The following RHBDD1 variants were observed in gnomAD, a reference collection of about 807,000 sequenced individuals.
The protein encoded by RHBDD1 is rhomboid domain containing 1.
Under a neutral mutation model 36.3 loss-of-function variants are expected in RHBDD1, and 38 were observed. That is an observed-to-expected ratio of 1.05 (90% CI 0.81 to 1.37). RHBDD1 has a LOEUF of 1.37. Ranked by LOEUF, RHBDD1 falls within the 40% of genes most tolerant of loss-of-function variation. The pLI is 0.00. For missense variants in RHBDD1, 393 were observed against 377.6 expected, an observed-to-expected ratio of 1.04 and a Z score of -0.34; for synonymous variants, 151 against 136.5, an observed-to-expected ratio of 1.11 and a Z score of -0.74.
chr2:226,914,502 T>C, intron 8 of RHBDD1, 151 bp downstream of exon 8: 2 of 807,572 alleles, frequency 2.5e-6, no homozygotes, highest in Non-Finnish European at 3.7e-6. Context: ...TTACAAAGAA[T>C]GGGGTGTGAT....
intron 8 of RHBDD1, among the ~76,000 whole-genome samples, chr2:226,939,461 A>G (rs1057497124): frequency 6.6e-6 from 1 of 152,220 alleles, no homozygotes; most frequent in Admixed American, 6.5e-5. Flanking sequence ...ACAAATTGCT[A>G]GCATTCCTAT....
intron 8 of RHBDD1, among the ~76,000 whole-genome samples, chr2:226,929,574 T>A (rs1423724056): frequency 4.6e-5 from 7 of 151,962 alleles, no homozygotes; most frequent in Admixed American, 4.6e-4. Flanking sequence ...TGAAAAGAAT[T>A]CCCTCTAAGA....
At chr2:226,843,922 T>C (rs145696306) in intron 3 of RHBDD1, among the ~76,000 whole-genome samples, 134 of 152,296 alleles carry the variant, frequency 8.8e-4, no homozygotes, top group Middle Eastern at 3.4e-3. Flanking sequence ...TTTTGGTTGG[T>C]AGGCTATTTG....
intron 5 of RHBDD1, among the ~76,000 whole-genome samples, chr2:226,885,860 T>C (rs1433946744): frequency 1.3e-5 from 2 of 152,118 alleles, no homozygotes; most frequent in African/African-American, 2.4e-5. Context: ...CAGAACAATA[T>C]ATATGCTGGG....
At chr2:226,912,562 A>G (rs1014436280) in intron 7 of RHBDD1, among the ~76,000 whole-genome samples, 1 of 152,198 alleles carries the variant, frequency 6.6e-6, no homozygotes, top group Non-Finnish European at 1.5e-5. Flanking sequence ...AACAAAATTG[A>G]TGAACCTGGA....
chr2:226,914,260 A>G lies in RHBDD1; in HGVS notation c.765A>G (p.Glu255=). 1 of 1,613,880 alleles carries G rather than the reference A, an allele frequency of 6.2e-7. No individual in the cohort carries two copies. Among genetic ancestry groups the G allele is most frequent in the Non-Finnish European group, 8.5e-7 (1 of 1,179,812 alleles). ...YYPHGRPDHY[E]EAPRNYDTYT... is the part of the protein sequence containing the mutation. Reference sequence around the variant, plus strand: ...CGCATGGCAGGCCAGATCACTATGAAGAAGCACCCAGGAACTATGACACGT... The same window carrying G: ...CGCATGGCAGGCCAGATCACTATGAGGAAGCACCCAGGAACTATGACACGT... Residue 255 remains glutamate (E), a synonymous_variant, in exon 8 of 9, where the codon GAA becomes GAG. Coordinates refer to ENST00000392062, the MANE Select transcript of RHBDD1 (RefSeq NM_001167608.3).
the RHBDD1 span, among the ~76,000 whole-genome samples, chr2:226,813,318 G>A: frequency 1.3e-5 from 2 of 152,182 alleles, no homozygotes; most frequent in Non-Finnish European, 2.9e-5. Flanking sequence ...TTTCAGCAGA[G>A]AGCAGTGGTT....
At chr2:226,874,743 A>G (rs939553954) in intron 5 of RHBDD1, among the ~76,000 whole-genome samples, 1 of 152,198 alleles carries the variant, frequency 6.6e-6, no homozygotes, top group Non-Finnish European at 1.5e-5. Context: ...ATATGGTTAC[A>G]TTCATCAGTT....
the RHBDD1 span, among the ~76,000 whole-genome samples, chr2:226,814,336 A>T: frequency 6.6e-6 from 1 of 152,124 alleles, no homozygotes; most frequent in African/African-American, 2.4e-5. Flanking sequence ...ATCTAGTATC[A>T]CACTTGGGAT....
intron 5 of RHBDD1, among the ~76,000 whole-genome samples, chr2:226,879,708 C>G (rs989786913): frequency 4.6e-5 from 7 of 152,136 alleles, no homozygotes; most frequent in Non-Finnish European, 7.4e-5. Context: ...AAAATAAAAA[C>G]CAATGGATAT....
At chr2:226,914,475 C>A (rs3820927) in intron 8 of RHBDD1, 124 bp downstream of exon 8, 466,859 of 1,117,870 alleles carry the variant, frequency 0.42, 98,233 homozygotes, top group South Asian at 0.51. Flanking sequence ...TAGATGAAAA[C>A]TGTGTGCAGA....
At chr2:226,961,734 AGAT>A (rs1952218673) in intron 8 of RHBDD1, among the ~76,000 whole-genome samples, 1 of 152,180 alleles carries the variant, frequency 6.6e-6, no homozygotes, top group Non-Finnish European at 1.5e-5. Flanking sequence ...ACCCCCATCC[AGAT>A]GATGATAATA....
the RHBDD1 span, among the ~76,000 whole-genome samples, chr2:226,829,172 T>A: frequency 6.6e-6 from 1 of 152,226 alleles, no homozygotes; most frequent in Non-Finnish European, 1.5e-5. Context: ...TTAGCAATTT[T>A]GTTGAAAATC....
At chr2:226,822,652 A>G in the RHBDD1 span, among the ~76,000 whole-genome samples, 1 of 151,332 alleles carries the variant, frequency 6.6e-6, no homozygotes, top group Non-Finnish European at 1.5e-5. Flanking sequence ...AAAAAAAAAA[A>G]GAAAATAAAT....
rs750293564 is a variant in RHBDD1, at chr2:226,865,074, C to T, written c.381C>T (p.Ala127=). The change falls in exon 4 of 9, where the codon GCC becomes GCT. Residue 127 remains alanine (A), a synonymous_variant. Transcript: ENST00000392062. ...VVYLLLQFAV[A]EFMDEPDFKR... is the part of the protein sequence containing the mutation. ...ACCTGCTCTTGCAATTTGCTGTTGC[C>T]GAATTTATGGATGAACCTGACTTCA... 1.2e-5 allele frequency: 19 copies of T among 1,613,886 alleles called. No homozygotes were observed. Among genetic ancestry groups the T allele is most frequent in the Middle Eastern group, 3.3e-4 (2 of 6,084 alleles).
At chr2:226,855,693 T>C (rs565008595) in intron 3 of RHBDD1, among the ~76,000 whole-genome samples, 18 of 152,282 alleles carry the variant, frequency 1.2e-4, no homozygotes, top group Admixed American at 8.5e-4. Context: ...AAGGAGAAAA[T>C]GCTCTCAGTT....
At chr2:226,973,458 G>A (rs1295132236) in intron 8 of RHBDD1, among the ~76,000 whole-genome samples, 2 of 152,182 alleles carry the variant, frequency 1.3e-5, no homozygotes, top group African/African-American at 4.8e-5. Flanking sequence ...TTCCTCATTG[G>A]CTTTGCCATT....
At chr2:226,841,636 A>T (rs1941645664) in intron 3 of RHBDD1, among the ~76,000 whole-genome samples, 1 of 152,110 alleles carries the variant, frequency 6.6e-6, no homozygotes, top group Non-Finnish European at 1.5e-5. Context: ...ACATGATTTC[A>T]TTCCTTTGTG....
chr2:226,846,468 G>T (rs759457181), intron 3 of RHBDD1, among the ~76,000 whole-genome samples: 1 of 152,164 alleles, frequency 6.6e-6, no homozygotes, highest in Non-Finnish European at 1.5e-5. Context: ...TGTAGGCCGC[G>T]TACAGTGTCT....
Sources: allele counts gnomAD v4.1 joint callset (sites outside exome capture counted in the v4.1 genomes callset), GRCh38; gene constraint gnomAD v4.1.1; transcripts MANE v1.5; gene names NCBI Gene and HGNC (gene_info 2026-07-23, HGNC 2026-07-21).